OPCML: variants seen among roughly 807,000 people sequenced by gnomAD.
OPCML encodes opioid-binding protein/cell adhesion molecule.
In OPCML, 13 loss-of-function variants were observed where a neutral mutation model predicts 37.8. That is an observed-to-expected ratio of 0.34 (90% CI 0.22 to 0.55). OPCML has a LOEUF of 0.55. Ranked by LOEUF, OPCML falls within the 20% of genes least tolerant of loss-of-function variation. The pLI is 0.91. For missense variants in OPCML, 341 were observed against 435.6 expected, an observed-to-expected ratio of 0.78 and a Z score of 1.93; for synonymous variants, 176 against 168.8, an observed-to-expected ratio of 1.04 and a Z score of -0.33.
intron 2 of OPCML, among the ~76,000 whole-genome samples, chr11:132,748,442 T>TGG (rs940034572): frequency 1.3e-5 from 2 of 152,142 alleles, no homozygotes; most frequent in Non-Finnish European, 2.9e-5. Flanking sequence ...TATCTTCTAG[T>TGG]GGGAGAGTTA....
intron 1 of OPCML, among the ~76,000 whole-genome samples, chr11:133,248,575 A>G (rs1225163431): frequency 6.6e-6 from 1 of 152,220 alleles, no homozygotes; most frequent in African/African-American, 2.4e-5. Flanking sequence ...TGTGCTCAGA[A>G]TCCTGATGTA....
intron 1 of OPCML, among the ~76,000 whole-genome samples, chr11:132,945,244 G>A (rs1230586164): frequency 6.6e-6 from 1 of 152,246 alleles, no homozygotes; most frequent in Non-Finnish European, 1.5e-5. Flanking sequence ...CTATCCTAGT[G>A]TGTACTTCCA....
intron 1 of OPCML, among the ~76,000 whole-genome samples, chr11:133,164,146 G>A (rs532341832): frequency 3.9e-5 from 6 of 152,308 alleles, no homozygotes; most frequent in South Asian, 2.1e-4. Flanking sequence ...AAAGTTGCTC[G>A]GATCAGAGCA....
intron 1 of OPCML, chr11:133,065,148 C>T (rs1292511959): frequency 6.6e-6 from 1 of 152,586 alleles, no homozygotes; most frequent in African/African-American, 2.4e-5. Flanking sequence ...CATGAAGTCC[C>T]GCAGGAGGAA....
intron 3 of OPCML, among the ~76,000 whole-genome samples, chr11:132,615,501 G>A (rs982668131): frequency 6.6e-6 from 1 of 152,026 alleles, no homozygotes; most frequent in Non-Finnish European, 1.5e-5. Context: ...CAGAAATACA[G>A]CAATAAAAAT....
At chr11:133,241,430 C>T (rs1453845192) in intron 1 of OPCML, among the ~76,000 whole-genome samples, 1 of 152,192 alleles carries the variant, frequency 6.6e-6, no homozygotes, top group Non-Finnish European at 1.5e-5. Context: ...CACTAAGTTT[C>T]TTTTTCCATT....
chr11:132,838,355 G>A (rs1054202338), intron 2 of OPCML, among the ~76,000 whole-genome samples: 2 of 152,158 alleles, frequency 1.3e-5, no homozygotes, highest in African/African-American at 2.4e-5. Flanking sequence ...ATAAACTAAA[G>A]GGAGTAAGGG....
intron 3 of OPCML, among the ~76,000 whole-genome samples, chr11:132,578,365 TA>T (rs1325481276): frequency 6.6e-6 from 1 of 152,114 alleles, no homozygotes; most frequent in African/African-American, 2.4e-5. Context: ...AAGAAAACAA[TA>T]GCAGTAAATT....
chr11:133,508,164 G>A (rs1565674139), intron 1 of OPCML, among the ~76,000 whole-genome samples: 1 of 152,150 alleles, frequency 6.6e-6, no homozygotes, highest in Non-Finnish European at 1.5e-5. Context: ...ATGCAGCCCA[G>A]GTTGAGAGCC....
At chr11:132,710,066 G>T (rs1350664071) in intron 2 of OPCML, among the ~76,000 whole-genome samples, 1 of 152,142 alleles carries the variant, frequency 6.6e-6, no homozygotes, top group East Asian at 1.9e-4. Context: ...AAGTACACAA[G>T]TACATCGTAG....
chr11:133,513,503 CA>C (rs1948201599), intron 1 of OPCML, among the ~76,000 whole-genome samples: 1 of 152,214 alleles, frequency 6.6e-6, no homozygotes, highest in Non-Finnish European at 1.5e-5. Flanking sequence ...ACTCAAATGT[CA>C]TCTCATCTGG....
At chr11:132,689,560 G>A (rs1453804822) in intron 2 of OPCML, among the ~76,000 whole-genome samples, 1 of 152,204 alleles carries the variant, frequency 6.6e-6, no homozygotes, top group Admixed American at 6.5e-5. Flanking sequence ...CATTTGTTTA[G>A]CTGTATTTTT....
intron 1 of OPCML, among the ~76,000 whole-genome samples, chr11:133,528,135 T>C (rs1948526238): frequency 6.6e-6 from 1 of 152,210 alleles, no homozygotes; most frequent in Non-Finnish European, 1.5e-5. Context: ...CTCAAGCCCG[T>C]CGGGATCTCT....
chr11:133,044,069 A>C (rs565568126), intron 1 of OPCML, among the ~76,000 whole-genome samples: 3 of 152,274 alleles, frequency 2.0e-5, no homozygotes, highest in South Asian at 4.1e-4. Context: ...GATCTTTGCT[A>C]TCCTATGGAG....
At chr11:132,621,920 C>T (rs2137921835) in intron 3 of OPCML, among the ~76,000 whole-genome samples, 1 of 152,220 alleles carries the variant, frequency 6.6e-6, no homozygotes, top group African/African-American at 2.4e-5. Context: ...AATACATTTT[C>T]CCTCCATGGA....
chr11:133,213,411 T>C (rs1264799423), intron 1 of OPCML, among the ~76,000 whole-genome samples: 1 of 152,154 alleles, frequency 6.6e-6, no homozygotes, highest in East Asian at 1.9e-4. Flanking sequence ...GACATCTCTA[T>C]AGGTAACAGC....
At chr11:133,207,257 G>A (rs974181559) in intron 1 of OPCML, among the ~76,000 whole-genome samples, 1 of 151,998 alleles carries the variant, frequency 6.6e-6, no homozygotes, top group Non-Finnish European at 1.5e-5. Flanking sequence ...CCGAGATCAA[G>A]CCACTGCCCT....
At chr11:133,326,222 A>G (rs1943443614) in intron 1 of OPCML, among the ~76,000 whole-genome samples, 1 of 149,790 alleles carries the variant, frequency 6.7e-6, no homozygotes, top group Non-Finnish European at 1.5e-5. Flanking sequence ...GTGGGAAACA[A>G]GAAGAAGAGA....
At chr11:132,674,447 T>C (rs1270162551) in intron 2 of OPCML, among the ~76,000 whole-genome samples, 1 of 152,180 alleles carries the variant, frequency 6.6e-6, no homozygotes, top group Non-Finnish European at 1.5e-5. Context: ...CCCCAGTGAA[T>C]AATCAGATTT....
Sources: gnomAD v4.1 joint callset for allele counts (sites outside exome capture counted in the v4.1 genomes callset) on GRCh38, gnomAD v4.1.1 for gene constraint, MANE v1.5 for transcripts, NCBI Gene and HGNC (gene_info 2026-07-23, HGNC 2026-07-21) for gene names.